The following FAT1 variants were observed in gnomAD, a reference collection of about 807,000 sequenced individuals.
FAT1 encodes FAT atypical cadherin 1.
FAT1 carries 171 observed loss-of-function variants against 329.8 expected under a neutral mutation model. The observed-to-expected ratio is 0.52, with a 90% CI of 0.46 to 0.59. The LOEUF is 0.59. FAT1 is among the 20% of genes least tolerant of loss of function. The pLI is 0.00. For synonymous variants in FAT1, 2,233 were observed against 2,228.6 expected, an observed-to-expected ratio of 1.00 and a Z score of -0.06; for missense variants, 5,672 against 5,774.4, an observed-to-expected ratio of 0.98 and a Z score of 0.57.
intron 7 of FAT1, 83 bp from the exon 8 acceptor site, chr4:186,628,846 G>A: frequency 7.3e-7 from 1 of 1,366,292 alleles, no homozygotes; most frequent in East Asian, 2.4e-5. Context: ...CGAAAGTCAT[G>A]TATATTGAAA....
intron 1 of FAT1, among the ~76,000 whole-genome samples, chr4:186,719,473 A>G (rs1187494538): frequency 1.3e-5 from 2 of 152,228 alleles, no homozygotes; most frequent in African/African-American, 4.8e-5. Flanking sequence ...AGGGACAACT[A>G]TATAGACTTT....
At chr4:186,636,275 A>G (rs750083182) in intron 5 of FAT1, 40 bp from the exon 6 acceptor site, 3 of 1,573,054 alleles carry the variant, frequency 1.9e-6, no homozygotes, top group Admixed American at 1.7e-5. Flanking sequence ...ACAGCAAATC[A>G]GGAGTTACAA....
intron 2 of FAT1, among the ~76,000 whole-genome samples, chr4:186,676,788 T>C (rs964448087): frequency 2.0e-5 from 3 of 152,160 alleles, no homozygotes; most frequent in Non-Finnish European, 4.4e-5. Flanking sequence ...ACACAGCTGG[T>C]GGAAGGGCCA....
chr4:186,715,462 A>C (rs934495475), intron 1 of FAT1, among the ~76,000 whole-genome samples: 6 of 152,228 alleles, frequency 3.9e-5, no homozygotes, highest in African/African-American at 1.4e-4. Context: ...ATGAAAAAAT[A>C]CACTTTTTGG....
intron 1 of FAT1, among the ~76,000 whole-genome samples, chr4:186,718,566 C>A (rs190644206): frequency 4.7e-4 from 71 of 152,266 alleles, no homozygotes; most frequent in Admixed American, 3.5e-3. Context: ...ACTCAGGAGG[C>A]TGAAGCAGGA....
At chr4:186,650,265 AC>A (rs61476203) in intron 3 of FAT1, among the ~76,000 whole-genome samples, 3,775 of 152,348 alleles carry the variant, frequency 0.025, 67 homozygotes, top group Middle Eastern at 0.085. Context: ...TTATGAATAT[AC>A]AAAATATGAC....
At chr4:186,604,956 C>A (rs112693994) in intron 17 of FAT1, among the ~76,000 whole-genome samples, 1 of 151,702 alleles carries the variant, frequency 6.6e-6, no homozygotes, top group Non-Finnish European at 1.5e-5. Flanking sequence ...CGGTGGCTCA[C>A]GCCTGTCATC....
At position 186,664,347 on chromosome 4, in the gene FAT1, A is replaced by G. The variant is rs1021645686; in HGVS notation, c.3266-734T>C. On this transcript the variant is annotated intron_variant, in intron 2 of 26. Transcript: ENST00000441802. ...GCTATAAAAATATAAACTACACTAT[A>G]AACTCCAAAAGGGCAGAGGCCACAT... 3.9e-5 allele frequency among the ~76,000 whole-genome samples: 6 copies of G among 152,336 alleles called. No homozygotes were observed. In the South Asian group the frequency reaches 6.2e-4, roughly 16 times the overall value.
At chr4:186,654,955 G>A (rs910639627) in intron 3 of FAT1, among the ~76,000 whole-genome samples, 1 of 151,554 alleles carries the variant, frequency 6.6e-6, no homozygotes, top group African/African-American at 2.4e-5. Context: ...ACAGGATGGA[G>A]GAAGGAAAAC....
At chr4:186,674,532 C>T (rs1742860532) in intron 2 of FAT1, among the ~76,000 whole-genome samples, 1 of 152,160 alleles carries the variant, frequency 6.6e-6, no homozygotes, top group Non-Finnish European at 1.5e-5. Context: ...AACACATCCA[C>T]CAAGGTGGAC....
At chr4:186,645,956 A>AG in intron 3 of FAT1, among the ~76,000 whole-genome samples, 1 of 113,100 alleles carries the variant, frequency 8.8e-6, no homozygotes, top group African/African-American at 3.8e-5. Context: ...AAAAAAAAAA[A>AG]AAAAAAATAT....
intron 2 of FAT1, among the ~76,000 whole-genome samples, chr4:186,705,170 C>T (rs1367151456): frequency 1.3e-5 from 2 of 150,750 alleles, no homozygotes; most frequent in Middle Eastern, 6.8e-3. Flanking sequence ...TCTTGAACTC[C>T]TGGCCTCAAG....
intron 26 of FAT1, chr4:186,590,285 C>A (rs1738172688): frequency 1.2e-6 from 1 of 842,714 alleles, no homozygotes; most frequent in African/African-American, 1.8e-5. Context: ...CTGGGCGACC[C>A]AGCGTAGTCA....
At position 186,620,265 on chromosome 4, in the gene FAT1, G is replaced by C. The variant is rs1739968652; in HGVS notation, c.6321C>G (p.Asp2107Glu). ...GHVIRYVTAV[D>E]RDSGRNGEVH... ...CTTCCCCGTTTCTGCCACTGTCTCT[G>C]TCTACAGCAGTGACATAGCGAATGA... Residue 2107 changes from aspartate (D) to glutamate (E), a missense_variant, in exon 10 of 27, where the codon GAC becomes GAG. By Grantham distance (45) the Asp-to-Glu change is conservative. This residue lies in a region of FAT1 where 3,966 missense variants were observed against 3,915.2 expected (regional missense o/e 1.01). Coordinates refer to ENST00000441802, the MANE Select transcript of FAT1 (RefSeq NM_005245.4). 6.2e-7 allele frequency: 1 copy of C among 1,613,984 alleles called. No homozygotes were observed. The highest frequency in any genetic ancestry group is 8.5e-7 in the Non-Finnish European group (1 of 1,179,898).
At position 186,597,748 on chromosome 4, in the gene FAT1, C is replaced by T. The variant is rs2126399608; in HGVS notation, c.12302G>A (p.Gly4101Asp). The T allele has an allele frequency of 1.2e-6, 2 of 1,613,882 alleles. No homozygotes were observed. Among genetic ancestry groups the T allele is most frequent in the Non-Finnish European group, 1.7e-6 (2 of 1,179,872 alleles). ...PYCKDEPCKNGGTCFDSLDGA... is the reference protein window; with the variant it reads ...PYCKDEPCKNDGTCFDSLDGA... ...ATCCAAACTGTCAAAGCATGTTCCG[C>T]CATTCTTACAGGGTTCATCTTTGCA... The change falls in exon 24 of 27, where the codon GGC becomes GAC. Residue 4101 changes from glycine (G) to aspartate (D), a missense_variant. Physicochemically the swap from Gly to Asp is moderately conservative, Grantham distance 94 (BLOSUM62 -1). Coordinates refer to ENST00000441802, the MANE Select transcript of FAT1 (RefSeq NM_005245.4).
At chr4:186,632,928 A>C (rs1416184239) in intron 7 of FAT1, among the ~76,000 whole-genome samples, 1 of 152,194 alleles carries the variant, frequency 6.6e-6, no homozygotes, top group African/African-American at 2.4e-5. Flanking sequence ...AAGCTCCAAG[A>C]GGGCAAGATT....
At chr4:186,680,449 T>A (rs1743159132) in intron 2 of FAT1, among the ~76,000 whole-genome samples, 1 of 152,188 alleles carries the variant, frequency 6.6e-6, no homozygotes, top group African/African-American at 2.4e-5. Context: ...CACGACCGTT[T>A]CTGTAACATT....
intron 3 of FAT1, among the ~76,000 whole-genome samples, chr4:186,649,331 C>T (rs150125532): frequency 6.6e-6 from 1 of 152,092 alleles, no homozygotes; most frequent in East Asian, 1.9e-4. Flanking sequence ...TTCCATTGAA[C>T]AGCATATTTT....
intron 3 of FAT1, among the ~76,000 whole-genome samples, chr4:186,646,958 C>T (rs1741415257): frequency 6.6e-6 from 1 of 152,136 alleles, no homozygotes; most frequent in South Asian, 2.1e-4. Flanking sequence ...TTTGTTTTTG[C>T]TTCTTTTTCC....
Sources: gnomAD v4.1 joint callset for allele counts (sites outside exome capture counted in the v4.1 genomes callset) on GRCh38, gnomAD v4.1.1 for gene constraint, gnomAD v4.1.1 regional missense constraint, MANE v1.5 for transcripts, NCBI Gene and HGNC (gene_info 2026-07-23, HGNC 2026-07-21) for gene names.